The following FRMPD4 variants were observed in gnomAD, a reference collection of about 807,000 sequenced individuals.
FRMPD4 encodes the protein FERM and PDZ domain-containing protein 4.
A neutral mutation model predicts 94.1 loss-of-function variants in FRMPD4; 22 were observed. The ratio of observed to expected loss-of-function variants is 0.23; its 90% CI spans 0.17 to 0.33. The LOEUF is 0.33. FRMPD4 is among the 10% of genes least tolerant of loss of function. The pLI is 1.00. For missense variants in FRMPD4, 1,111 were observed against 1,339.9 expected (o/e 0.83, Z 2.67); for synonymous variants, 631 against 548.6 (o/e 1.15, Z -2.10).
chrX:12,630,470 CTGAAGA>C (rs2059385516), intron 4 of FRMPD4, among the ~76,000 whole-genome samples: 1 of 112,185 alleles, frequency 8.9e-6, no homozygotes, highest in Non-Finnish European at 1.9e-5. Context: ...AGAGACCAAC[CTGAAGA>C]TAAGAGTGTA....
intron 1 of FRMPD4, among the ~76,000 whole-genome samples, chrX:12,452,801 C>T (rs1018111389): frequency 3.6e-5 from 4 of 111,752 alleles, no homozygotes; most frequent in Admixed American, 9.5e-5. Flanking sequence ...CTTCTAAAAA[C>T]GCACTGCTGT....
chrX:12,481,387 C>T (rs1297691152), intron 1 of FRMPD4, among the ~76,000 whole-genome samples: 1 of 111,334 alleles, frequency 9.0e-6, no homozygotes, highest in African/African-American at 3.3e-5. Flanking sequence ...CCACATCAGA[C>T]CCACCCTGTA....
chrX:12,421,300 A>G (rs2056880017), intron 1 of FRMPD4, among the ~76,000 whole-genome samples: 1 of 112,464 alleles, frequency 8.9e-6, no homozygotes, highest in Non-Finnish European at 1.9e-5. Flanking sequence ...TCCTTTTTAG[A>G]AAACTGTTTT....
rs141692433 is a variant in FRMPD4 at position 12,183,460 on chromosome X, A to G, written c.41+44448A>G. On this transcript the variant is annotated intron_variant, in intron 1 of 16. Transcript: ENST00000675598. Reference sequence around the variant, plus strand: ...GTAGTCTTTTTGCCTCCTTTTTCCTATGTCAAATAACGGTCCTCACTAGAA... The same window carrying G: ...GTAGTCTTTTTGCCTCCTTTTTCCTGTGTCAAATAACGGTCCTCACTAGAA... Among the ~76,000 whole-genome samples the G allele has an allele frequency of 4.0e-3, 452 of 111,705 alleles. 3 individuals carry two copies. Among genetic ancestry groups the G allele is most frequent in the African/African-American group, 0.014 (433 of 30,788 alleles).
intron 1 of FRMPD4, among the ~76,000 whole-genome samples, chrX:11,832,027 G>A (rs1278525493): frequency 9.0e-6 from 1 of 111,573 alleles, no homozygotes; most frequent in Admixed American, 9.5e-5. Context: ...TTTTGGCTCA[G>A]CTTGCCCATA....
chrX:12,576,651 G>A (rs2058814477), intron 2 of FRMPD4, among the ~76,000 whole-genome samples: 1 of 112,746 alleles, frequency 8.9e-6, no homozygotes. Flanking sequence ...AGATAAAGTG[G>A]ATGTTATTGC....
exon 1 of FRMPD4, among the ~76,000 whole-genome samples, chrX:11,822,599 T>G (rs1049403652): frequency 8.9e-6 from 1 of 112,212 alleles, no homozygotes; most frequent in African/African-American, 3.2e-5. Flanking sequence ...GGGAATGAGA[T>G]GTAAGCCAGG....
At chrX:12,685,985 TTTGA>T (rs1422184740) in intron 6 of FRMPD4, 108 bp from the exon 7 acceptor site, 5 of 388,123 alleles carry the variant, frequency 1.3e-5, no homozygotes, top group Non-Finnish European at 2.3e-5. Context: ...CCTTAGAGAG[TTTGA>T]TTGTTTTTTA....
At chrX:12,028,583 T>C (rs998627629) in intron 3 of FRMPD4, among the ~76,000 whole-genome samples, 8 of 111,383 alleles carry the variant, frequency 7.2e-5, no homozygotes, top group African/African-American at 2.6e-4. Context: ...TCTACCAATA[T>C]AGTATCATAA....
At chrX:11,836,048 T>C (rs777821379) in intron 1 of FRMPD4, among the ~76,000 whole-genome samples, 17 of 111,447 alleles carry the variant, frequency 1.5e-4, no homozygotes, top group Non-Finnish European at 2.6e-4. Context: ...TATTACTAGA[T>C]ATCATTGCGA....
At position 12,399,829 on chromosome X, in the gene FRMPD4, T is replaced by C. The variant is rs1443860753; in HGVS notation, c.42-98851T>C. Reference sequence around the variant, plus strand: ...TGGACCCTCACAGTTCAAACCCATGTTGTTCAAGGGTCAACTTTATTCCAA... The same window carrying C: ...TGGACCCTCACAGTTCAAACCCATGCTGTTCAAGGGTCAACTTTATTCCAA... On this transcript the variant is annotated intron_variant, in intron 1 of 16. Transcript: ENST00000675598. Among the ~76,000 whole-genome samples the C allele has an allele frequency of 1.4e-4, 16 of 111,333 alleles. No homozygotes were observed. In the Admixed American group the frequency reaches 1.5e-3, roughly 11 times the overall value.
chrX:12,563,338 C>T (rs1276619608), intron 2 of FRMPD4, among the ~76,000 whole-genome samples: 1 of 111,573 alleles, frequency 9.0e-6, no homozygotes, highest in African/African-American at 3.3e-5. Flanking sequence ...TGGTTCCTCC[C>T]AGAGCAACTC....
intron 8 of FRMPD4, among the ~76,000 whole-genome samples, chrX:12,690,839 A>G (rs113482102): frequency 1.8e-5 from 2 of 111,693 alleles, no homozygotes; most frequent in African/African-American, 6.5e-5. Flanking sequence ...TGCCACCCCC[A>G]TCTGTTCCCT....
chrX:12,559,460 G>A (rs1279467294), intron 2 of FRMPD4, among the ~76,000 whole-genome samples: 1 of 110,991 alleles, frequency 9.0e-6, no homozygotes, highest in African/African-American at 3.3e-5. Flanking sequence ...GACAAGCCTG[G>A]CCAACATAGT....
intron 1 of FRMPD4, among the ~76,000 whole-genome samples, chrX:12,361,077 C>G (rs897812301): frequency 4.5e-5 from 5 of 111,151 alleles, no homozygotes; most frequent in Admixed American, 3.8e-4. Context: ...AGCTCACAGT[C>G]ATTAGAGAAG....
intron 2 of FRMPD4, among the ~76,000 whole-genome samples, chrX:12,520,328 T>C (rs771458305): frequency 1.4e-4 from 16 of 112,065 alleles, no homozygotes; most frequent in African/African-American, 5.2e-4. Context: ...AGTAGTCATA[T>C]GGAAAACAAA....
chrX:11,908,505 T>C (rs914779902), intron 3 of FRMPD4, among the ~76,000 whole-genome samples: 2 of 112,257 alleles, frequency 1.8e-5, no homozygotes, highest in African/African-American at 6.5e-5. Context: ...ATTTGCTAAT[T>C]TGACTGGCGA....
At chrX:12,525,256 A>G (rs1283447972) in intron 2 of FRMPD4, among the ~76,000 whole-genome samples, 1 of 111,584 alleles carries the variant, frequency 9.0e-6, no homozygotes, top group Admixed American at 9.5e-5. Context: ...TCCTATAAAC[A>G]TACAAACACT....
chrX:12,055,095 GTAAA>G, intron 3 of FRMPD4, among the ~76,000 whole-genome samples: 1 of 112,405 alleles, frequency 8.9e-6, no homozygotes, highest in Non-Finnish European at 1.9e-5. Context: ...ATTGTACACT[GTAAA>G]TAAATAGTTT....
Sources: allele counts gnomAD v4.1 joint callset (sites outside exome capture counted in the v4.1 genomes callset), GRCh38; gene constraint gnomAD v4.1.1; transcripts MANE v1.5; gene names NCBI Gene and HGNC (gene_info 2026-07-23, HGNC 2026-07-21).